SLC30A8: variants seen among roughly 807,000 people sequenced by gnomAD.
SLC30A8 encodes the protein solute carrier family 30 member 8, also known as proton-coupled zinc antiporter SLC30A8.
Under a neutral mutation model 36.9 loss-of-function variants are expected in SLC30A8, and 27 were observed. The ratio of observed to expected loss-of-function variants is 0.73; its 90% CI spans 0.54 to 1.01. The LOEUF (loss-of-function observed/expected upper bound fraction) is 1.01, where lower values mean the gene tolerates loss of function less well. Among genes scored for constraint, SLC30A8 ranks in the 50% least tolerant of loss-of-function variants. The probability of loss-of-function intolerance (pLI) is 0.00; values close to 1 mark genes in which losing one functional copy is unlikely to be tolerated. For missense variants in SLC30A8, 439 were observed against 452.0 expected, an observed-to-expected ratio of 0.97 and a Z score of 0.26; for synonymous variants, 164 against 172.4, an observed-to-expected ratio of 0.95 and a Z score of 0.38.
At chr8:117,092,381 C>T (rs560068797) in intron 2 of SLC30A8, among the ~76,000 whole-genome samples, 3 of 151,308 alleles carry the variant, frequency 2.0e-5, no homozygotes, top group Non-Finnish European at 4.4e-5. Flanking sequence ...TTAAAAAACA[C>T]TATGATGAGT....
chr8:117,015,302 C>T (rs1816479876), intron 1 of SLC30A8, among the ~76,000 whole-genome samples: 1 of 152,116 alleles, frequency 6.6e-6, no homozygotes, highest in East Asian at 1.9e-4. Flanking sequence ...TACAATGAAA[C>T]TTAGCAAACA....
intron 1 of SLC30A8, among the ~76,000 whole-genome samples, chr8:117,010,111 G>A (rs902512757): frequency 3.9e-5 from 6 of 152,166 alleles, no homozygotes; most frequent in Non-Finnish European, 7.3e-5. Context: ...AAAATTGGAG[G>A]AATTAGAATT....
intron 1 of SLC30A8, among the ~76,000 whole-genome samples, chr8:117,029,675 A>G (rs915466689): frequency 6.6e-6 from 1 of 152,224 alleles, no homozygotes; most frequent in Admixed American, 6.5e-5. Flanking sequence ...CAGCTAATGT[A>G]ATGGAAAGAT....
At chr8:116,974,422 A>G (rs1007498160) in intron 1 of SLC30A8, among the ~76,000 whole-genome samples, 11 of 152,254 alleles carry the variant, frequency 7.2e-5, no homozygotes, top group Admixed American at 6.5e-5. Flanking sequence ...TGCAGCCAAC[A>G]GACACATGAA....
rs5894361 is a variant in SLC30A8 at position 117,022,199 on chromosome 8, CAA to C, written c.-265-17008_-265-17007del. 2.4e-3 allele frequency among the ~76,000 whole-genome samples: 345 copies of C among 141,100 alleles called. 2 individuals carry two copies. Among genetic ancestry groups the C allele is most frequent in the African/African-American group, 7.3e-3 (285 of 38,790 alleles). 92.6% of individuals were successfully genotyped at this position (141,100 alleles called of 152,430 possible). ...TGGGCAAAAGAGCAAGACTCCGTCT[CAA>C]AAAAAAAAAAAGAAAACAAGTTAAG... On this transcript the variant is annotated intron_variant, in intron 1 of 10. Transcript: ENST00000427715.
chr8:117,032,219 T>C (rs761671933), intron 1 of SLC30A8, among the ~76,000 whole-genome samples: 1 of 152,056 alleles, frequency 6.6e-6, no homozygotes, highest in Non-Finnish European at 1.5e-5. Flanking sequence ...ACCTTCATAA[T>C]GCTTTACATA....
chr8:116,993,116 C>A (rs1263614849), intron 1 of SLC30A8, among the ~76,000 whole-genome samples: 1 of 152,118 alleles, frequency 6.6e-6, no homozygotes, highest in African/African-American at 2.4e-5. Context: ...GGCCTAATCC[C>A]AAACTACCTA....
At chr8:117,034,975 GA>G (rs767668097) in intron 1 of SLC30A8, among the ~76,000 whole-genome samples, 27 of 152,204 alleles carry the variant, frequency 1.8e-4, no homozygotes, top group Admixed American at 7.2e-4. Context: ...CAGCATGGGG[GA>G]AACCACCCCC....
chr8:117,085,863 G>T (rs1818858532), intron 2 of SLC30A8, among the ~76,000 whole-genome samples: 1 of 152,108 alleles, frequency 6.6e-6, no homozygotes. Flanking sequence ...GAGCTTATGT[G>T]AGATAACTAT....
intron 1 of SLC30A8, among the ~76,000 whole-genome samples, chr8:117,012,550 A>G (rs977413683): frequency 2.6e-5 from 4 of 151,954 alleles, no homozygotes; most frequent in African/African-American, 9.7e-5. Context: ...AGATGATTTA[A>G]AGAGCACAGT....
chr8:117,098,116 A>G (rs1367541085), intron 2 of SLC30A8, among the ~76,000 whole-genome samples: 1 of 145,056 alleles, frequency 6.9e-6, no homozygotes, highest in Non-Finnish European at 1.5e-5. Context: ...CTGTGAAGCT[A>G]AGTAACAGGG....
chr8:117,068,198 A>G (rs1010171902), intron 2 of SLC30A8, among the ~76,000 whole-genome samples: 5 of 152,198 alleles, frequency 3.3e-5, no homozygotes, highest in Non-Finnish European at 5.9e-5. Flanking sequence ...GCACTGCAGC[A>G]AGCCAGACTC....
chr8:117,002,616 G>T (rs1031016087), intron 1 of SLC30A8, among the ~76,000 whole-genome samples: 42 of 151,816 alleles, frequency 2.8e-4, no homozygotes, highest in African/African-American at 9.7e-4. Flanking sequence ...TTTTGTTTTT[G>T]TTTTTTTGAA....
chr8:116,954,722 G>A (rs76260480), intron 1 of SLC30A8, among the ~76,000 whole-genome samples: 2,395 of 152,286 alleles, frequency 0.016, 70 homozygotes, highest in African/African-American at 0.054. Context: ...GAGGAAAGGA[G>A]GAGATAGCTC....
intron 2 of SLC30A8, among the ~76,000 whole-genome samples, chr8:117,099,452 TA>T (rs1819614429): frequency 6.6e-6 from 1 of 152,166 alleles, no homozygotes; most frequent in African/African-American, 2.4e-5. Context: ...CTTTACTTAA[TA>T]AGAAATAGAC....
intron 1 of SLC30A8, among the ~76,000 whole-genome samples, chr8:117,021,767 C>T (rs1395188095): frequency 6.6e-6 from 1 of 151,968 alleles, no homozygotes; most frequent in Non-Finnish European, 1.5e-5. Flanking sequence ...TATTATACAA[C>T]AATAATCATT....
intron 2 of SLC30A8, among the ~76,000 whole-genome samples, chr8:117,058,965 C>T (rs367667030): frequency 3.3e-5 from 5 of 152,254 alleles, no homozygotes; most frequent in South Asian, 2.1e-4. Context: ...ATCCCTCCAC[C>T]ATACCTTTTT....
chr8:117,014,398 A>G (rs1816442391), intron 1 of SLC30A8, among the ~76,000 whole-genome samples: 1 of 152,210 alleles, frequency 6.6e-6, no homozygotes, highest in Non-Finnish European at 1.5e-5. Flanking sequence ...TTGGCCAAGG[A>G]AAGAGAATGG....
intron 1 of SLC30A8, among the ~76,000 whole-genome samples, chr8:116,985,344 A>C: frequency 6.6e-6 from 1 of 151,378 alleles, no homozygotes; most frequent in African/African-American, 2.4e-5. Context: ...AAGTATGTAT[A>C]TCTTTTTTAA....
Sources: gnomAD v4.1 joint callset for allele counts (sites outside exome capture counted in the v4.1 genomes callset) on GRCh38, gnomAD v4.1.1 for gene constraint, MANE v1.5 for transcripts, NCBI Gene and HGNC (gene_info 2026-07-23, HGNC 2026-07-21) for gene names.